The following SGK3 variants were observed in gnomAD, a reference collection of about 807,000 sequenced individuals.
The protein encoded by SGK3 is serum/glucocorticoid regulated kinase family member 3.
In SGK3, 47 loss-of-function variants were observed where a neutral mutation model predicts 68.5. That is an observed-to-expected ratio of 0.69 (90% confidence interval 0.54 to 0.87). The LOEUF (loss-of-function observed/expected upper bound fraction) is 0.87. SGK3 is among the 40% of genes least tolerant of loss of function. The pLI, the probability that SGK3 is intolerant of heterozygous loss-of-function variation, is 0.00. For missense variants in SGK3, 479 were observed against 575.5 expected (o/e 0.83, Z 1.72); for synonymous variants, 181 against 189.1 (o/e 0.96, Z 0.35).
rs1805719786 is a variant in SGK3 at position 66,748,717 on chromosome 8, A to C, written c.-122+35884A>C. ...CTCTACCCTGACAAGTAGAAGGAGT[A>C]GGCTCATCAATTTTAATTTTGAAAA... On this transcript the variant is annotated intron_variant, in intron 1 of 16. Coordinates refer to ENST00000521198, the MANE Select transcript of SGK3 (RefSeq NM_001033578.3). Among the ~76,000 whole-genome samples the C allele has an allele frequency of 3.3e-5, 5 of 152,156 alleles. No individual in the cohort carries two copies. The South Asian group carries it at 1.0e-3, about 32-fold the overall frequency.
At chr8:66,760,257 T>C (rs1456177593) in intron 1 of SGK3, among the ~76,000 whole-genome samples, 3 of 152,148 alleles carry the variant, frequency 2.0e-5, no homozygotes, top group African/African-American at 7.2e-5. Context: ...AAGCTTGAAT[T>C]TTATCACTGC....
rs760580623 is a variant in SGK3, at chr8:66,843,505, G to C, written c.1032G>C (p.Trp344Cys). The C allele has an allele frequency of 3.1e-6, 5 of 1,613,928 alleles. No individual in the cohort carries two copies. Among genetic ancestry groups the C allele is most frequent in the Non-Finnish European group, 4.2e-6 (5 of 1,179,992 alleles). ...AGCCCTATGACAATACTGTAGATTG[G>C]TGGTGCCTTGGGGCTGTTCTGTATG... Reference protein sequence around the residue: ...RKQPYDNTVDWWCLGAVLYEM... With the variant: ...RKQPYDNTVDCWCLGAVLYEM... Residue 344 changes from tryptophan (W) to cysteine (C), a missense_variant, in exon 14 of 17, where the codon TGG (tryptophan) becomes TGC (cysteine). This residue lies in a region of SGK3 where 173 missense variants were observed against 214.3 expected (regional missense o/e 0.81). Coordinates refer to ENST00000521198, the MANE Select transcript of SGK3 (RefSeq NM_001033578.3).
intron 14 of SGK3, among the ~76,000 whole-genome samples, chr8:66,844,162 A>G (rs1038758609): frequency 9.2e-5 from 14 of 152,186 alleles, no homozygotes; most frequent in African/African-American, 3.1e-4. Context: ...GCTTCCATTC[A>G]GTTTACTCAA....
intron 14 of SGK3, among the ~76,000 whole-genome samples, chr8:66,844,443 C>T (rs1215306548): frequency 6.6e-6 from 1 of 152,136 alleles, no homozygotes; most frequent in African/African-American, 2.4e-5. Flanking sequence ...CTGGCCAGAG[C>T]TTCTGATTAA....
intron 1 of SGK3, among the ~76,000 whole-genome samples, chr8:66,721,816 C>T (rs775766451): frequency 1.3e-5 from 2 of 151,858 alleles, no homozygotes; most frequent in African/African-American, 2.4e-5. Flanking sequence ...TCAGATATGA[C>T]CACTGTTCCT....
At chr8:66,744,884 C>A (rs1175038521) in intron 1 of SGK3, among the ~76,000 whole-genome samples, 1 of 150,806 alleles carries the variant, frequency 6.6e-6, no homozygotes, top group Non-Finnish European at 1.5e-5. Flanking sequence ...AGTTTTTTTC[C>A]TCTTGCCAAC....
chr8:66,738,692 A>T (rs554809235), intron 1 of SGK3, among the ~76,000 whole-genome samples: 1 of 150,950 alleles, frequency 6.6e-6, no homozygotes, highest in Admixed American at 6.6e-5. Context: ...CAGTGGTGTG[A>T]TCTCAGCTCA....
At chr8:66,830,415 A>G (rs751774254) in intron 7 of SGK3, among the ~76,000 whole-genome samples, 8 of 152,180 alleles carry the variant, frequency 5.3e-5, no homozygotes, top group Non-Finnish European at 1.2e-4. Flanking sequence ...TATTTAACCT[A>G]GTTCTGGTTT....
intron 1 of SGK3, among the ~76,000 whole-genome samples, chr8:66,741,065 A>G (rs78742233): frequency 1.3e-5 from 2 of 152,258 alleles, no homozygotes; most frequent in African/African-American, 4.8e-5. Flanking sequence ...TATTAGTTCA[A>G]GTCTAAACTC....
At chr8:66,743,501 C>T (rs1360070430) in intron 1 of SGK3, among the ~76,000 whole-genome samples, 1 of 152,206 alleles carries the variant, frequency 6.6e-6, no homozygotes, top group Non-Finnish European at 1.5e-5. Flanking sequence ...GCTCCTTTGT[C>T]CACTATGTTC....
chr8:66,843,467 G>T lies in SGK3; in HGVS notation c.994G>T (p.Val332Leu). The change falls in exon 14 of 17, where the codon GTA (valine) becomes TTA (leucine). Residue 332 changes from valine to leucine, a missense_variant. Physicochemically the swap from Val to Leu is conservative, Grantham distance 32. Around this residue, in one of 3 missense-constraint regions of SGK3, gnomAD observed 173 missense variants for 214.3 expected, o/e 0.81. Coordinates refer to ENST00000521198, the MANE Select transcript of SGK3 (RefSeq NM_001033578.3). The part of the protein sequence containing the change: ...CGTPEYLAPE[V>L]IRKQPYDNTV... ...TTTTCTATAGTATCTTGCACCTGAA[G>T]TAATTAGAAAACAGCCCTATGACAA... The T allele has an allele frequency of 1.2e-6, 2 of 1,613,544 alleles. No individual in the cohort carries two copies. Among genetic ancestry groups the T allele is most frequent in the Non-Finnish European group, 1.7e-6 (2 of 1,179,940 alleles).
At chr8:66,845,894 T>C (rs903645595) in intron 14 of SGK3, among the ~76,000 whole-genome samples, 1 of 151,946 alleles carries the variant, frequency 6.6e-6, no homozygotes, top group Admixed American at 6.6e-5. Context: ...ATTGTTTGGA[T>C]TTGTTACAAC....
chr8:66,727,491 T>A (rs988212503), intron 1 of SGK3, among the ~76,000 whole-genome samples: 3 of 152,158 alleles, frequency 2.0e-5, no homozygotes, highest in African/African-American at 7.2e-5. Context: ...TCTGGATGTG[T>A]CTCCCACAGT....
At position 66,795,113 on chromosome 8, in the gene SGK3, G is replaced by A. The variant is rs1807624185; in HGVS notation, c.96+1281G>A. On this transcript the variant is annotated intron_variant, in intron 2 of 16. Coordinates refer to ENST00000521198, the MANE Select transcript of SGK3 (RefSeq NM_001033578.3). ...CTGCCAGTTGAGTCCCATGACAGGT[G>A]ACTTTCAATTCAGAATCCCTGTCAC... 3.3e-5 allele frequency among the ~76,000 whole-genome samples: 5 copies of A among 152,306 alleles called. No individual in the cohort carries two copies. In the South Asian group the frequency reaches 1.0e-3, roughly 32 times the overall value.
intron 1 of SGK3, among the ~76,000 whole-genome samples, chr8:66,761,883 G>GC (rs1267868221): frequency 6.6e-6 from 1 of 152,114 alleles, no homozygotes; most frequent in Non-Finnish European, 1.5e-5. Flanking sequence ...TAAGCCTACT[G>GC]CCCCGTTTCA....
intron 1 of SGK3, among the ~76,000 whole-genome samples, chr8:66,716,854 T>A (rs533111259): frequency 6.6e-6 from 1 of 152,244 alleles, no homozygotes; most frequent in East Asian, 1.9e-4. Flanking sequence ...AGAAGTGTTC[T>A]TGTAGGTAGC....
rs556873016 is a variant in SGK3 at position 66,719,073 on chromosome 8, T to TC, written c.-122+6247dup. Among the ~76,000 whole-genome samples the TC allele has an allele frequency of 7.9e-5, 12 of 151,490 alleles. No homozygotes were observed. The East Asian group carries it at 1.9e-3, about 25-fold the overall frequency. On this transcript the variant is annotated intron_variant, in intron 1 of 16. Transcript: ENST00000521198. ...GCCTAGGTGACAGATTGAGACCCTA[T>TC]CCCCCCCAATAAAAAAGTATGTATG...
intron 4 of SGK3, among the ~76,000 whole-genome samples, chr8:66,812,787 A>C (rs1050354407): frequency 4.6e-5 from 7 of 152,208 alleles, no homozygotes; most frequent in Non-Finnish European, 8.8e-5. Context: ...AAGTAAAAAT[A>C]TGAGTCTTGG....
intron 1 of SGK3, chr8:66,767,866 C>G: frequency 7.3e-7 from 1 of 1,360,646 alleles, no homozygotes; most frequent in Non-Finnish European, 1.1e-6. Context: ...GAATGTTTTG[C>G]CAAAACATGA....
Sources: allele counts gnomAD v4.1 joint callset (sites outside exome capture counted in the v4.1 genomes callset), GRCh38; gene constraint gnomAD v4.1.1; regional missense constraint gnomAD v4.1.1; transcripts MANE v1.5; gene names NCBI Gene and HGNC (gene_info 2026-07-23, HGNC 2026-07-21).